MYO3B: variants seen among roughly 807,000 people sequenced by gnomAD.
The protein encoded by MYO3B is myosin-IIIb.
In MYO3B, 156 loss-of-function variants were observed where a neutral mutation model predicts 174.6. The observed-to-expected ratio is 0.89, with a 90% CI of 0.78 to 1.02. The LOEUF (loss-of-function observed/expected upper bound fraction) is 1.02. Ranked by LOEUF, MYO3B falls within the 50% of genes least tolerant of loss-of-function variation. MYO3B has a pLI of 0.00. For missense variants in MYO3B, 1,632 were observed against 1,639.4 expected (o/e 1.00, Z 0.08); for synonymous variants, 563 against 569.1 (o/e 0.99, Z 0.15).
chr2:170,268,362 C>A (rs1438741556), intron 7 of MYO3B, among the ~76,000 whole-genome samples: 1 of 152,002 alleles, frequency 6.6e-6, no homozygotes, highest in Non-Finnish European at 1.5e-5. Flanking sequence ...GTAGTGTGGG[C>A]AGAATAAAAG....
At chr2:170,651,785 ATAATT>A in intron 33 of MYO3B, 51 bp downstream of exon 33, 1 of 1,500,602 alleles carries the variant, frequency 6.7e-7, no homozygotes, top group Non-Finnish European at 9.3e-7. Context: ...TTTCCAGTTA[ATAATT>A]CTGTTATTAC....
At position 170,214,361 on chromosome 2, in the gene MYO3B, T is replaced by G; in HGVS notation, c.322-18T>G. 6.2e-7 allele frequency: 1 copy of G among 1,606,990 alleles called. No individual in the cohort carries two copies. Among genetic ancestry groups the G allele is most frequent in the South Asian group, 1.1e-5 (1 of 90,796 alleles). On this transcript the variant is annotated intron_variant, in intron 3 of 34. Transcript: ENST00000408978. ...TGTGGTCTCCTGCTCTCCCTGTGTC[T>G]GGCACCTCTTCTTGCAGCTGTGTAA...
chr2:170,618,860 T>C (rs1695639254), intron 32 of MYO3B, among the ~76,000 whole-genome samples: 1 of 152,010 alleles, frequency 6.6e-6, no homozygotes, highest in African/African-American at 2.4e-5. Flanking sequence ...CATTTGTATG[T>C]AGAAGTACAG....
At chr2:170,643,956 G>A (rs1046357732) in intron 32 of MYO3B, 21 of 152,264 alleles carry the variant, frequency 1.4e-4, no homozygotes, top group Admixed American at 1.4e-3. Flanking sequence ...TGTAGCAGGT[G>A]ATGAAAATGG....
At chr2:170,200,485 G>A (rs1256961963) in intron 3 of MYO3B, among the ~76,000 whole-genome samples, 3 of 152,148 alleles carry the variant, frequency 2.0e-5, no homozygotes, top group Non-Finnish European at 2.9e-5. Flanking sequence ...TTGTTTCTCT[G>A]CTTCAGAGGT....
At chr2:170,462,967 CCCTGTGGTACAA>C (rs1358527620) in intron 23 of MYO3B, among the ~76,000 whole-genome samples, 1 of 152,226 alleles carries the variant, frequency 6.6e-6, no homozygotes, top group Non-Finnish European at 1.5e-5. Context: ...TGGCCTAATT[CCCTGTGGTACAA>C]CCTGGGCTTT....
intron 32 of MYO3B, among the ~76,000 whole-genome samples, chr2:170,599,990 G>T (rs993840134): frequency 2.6e-5 from 4 of 152,026 alleles, no homozygotes; most frequent in African/African-American, 9.7e-5. Context: ...CATAATTGTT[G>T]ATTATTTTCC....
At chr2:170,515,153 A>G in intron 29 of MYO3B, 131 bp downstream of exon 29, 1 of 726,396 alleles carries the variant, frequency 1.4e-6, no homozygotes, top group East Asian at 2.8e-5. Context: ...TCTATAGGTG[A>G]CAGCCAATTA....
At chr2:170,217,976 G>T (rs7565110) in intron 6 of MYO3B, among the ~76,000 whole-genome samples, 5,915 of 152,280 alleles carry the variant, frequency 0.039, 382 homozygotes, top group African/African-American at 0.13. Flanking sequence ...GTCTTGCTCT[G>T]AAACACCAGT....
chr2:170,543,864 A>G (rs1559101023), intron 31 of MYO3B, 28 bp from the exon 32 acceptor site: 1 of 1,584,874 alleles, frequency 6.3e-7, no homozygotes, highest in Non-Finnish European at 8.7e-7. Flanking sequence ...GATAAGAATA[A>G]TATTTCTCTT....
At chr2:170,192,049 T>G (rs1222490978) in intron 1 of MYO3B, among the ~76,000 whole-genome samples, 1 of 152,182 alleles carries the variant, frequency 6.6e-6, no homozygotes, top group African/African-American at 2.4e-5. Context: ...TTTTGTTATT[T>G]TACTCTAAGT....
intron 6 of MYO3B, among the ~76,000 whole-genome samples, chr2:170,218,953 C>T (rs2092861091): frequency 6.6e-6 from 1 of 152,196 alleles, no homozygotes; most frequent in African/African-American, 2.4e-5. Flanking sequence ...ATCTATCCAG[C>T]CTTGTTTCAG....
intron 24 of MYO3B, among the ~76,000 whole-genome samples, chr2:170,465,125 G>A (rs1575022918): frequency 2.6e-5 from 4 of 151,586 alleles, no homozygotes; most frequent in Admixed American, 6.6e-5. Context: ...CACCCACCTC[G>A]GCCTCCCAAA....
At chr2:170,476,639 C>A (rs146051052) in intron 25 of MYO3B, among the ~76,000 whole-genome samples, 1 of 152,052 alleles carries the variant, frequency 6.6e-6, no homozygotes, top group African/African-American at 2.4e-5. Context: ...GCTGTTGTGC[C>A]ATGCTCTGCT....
chr2:170,556,377 T>C (rs1017914163), intron 32 of MYO3B, among the ~76,000 whole-genome samples: 3 of 152,164 alleles, frequency 2.0e-5, no homozygotes, highest in Non-Finnish European at 2.9e-5. Flanking sequence ...CTGGATTGTG[T>C]GGTAAGAGTA....
At chr2:170,601,915 A>AACAGC in intron 32 of MYO3B, 1 of 846,430 alleles carries the variant, frequency 1.2e-6, no homozygotes, top group South Asian at 1.6e-5. Context: ...CTCAGAGCAG[A>AACAGC]ACAGCAAAAA....
At chr2:170,385,854 C>A in intron 12 of MYO3B, 1 of 170,894 alleles carries the variant, frequency 5.9e-6, no homozygotes, top group Non-Finnish European at 1.2e-5. Flanking sequence ...ATCCAACATC[C>A]CCATTTCTAG....
intron 7 of MYO3B, among the ~76,000 whole-genome samples, chr2:170,272,437 G>T (rs1409248665): frequency 6.6e-6 from 1 of 152,116 alleles, no homozygotes; most frequent in East Asian, 1.9e-4. Context: ...CCCCACATCA[G>T]TTGGCCTTTG....
At chr2:170,332,643 A>T (rs908035719) in intron 7 of MYO3B, among the ~76,000 whole-genome samples, 3 of 152,186 alleles carry the variant, frequency 2.0e-5, no homozygotes, top group Non-Finnish European at 2.9e-5. Context: ...CATTTACAGG[A>T]TCAAATGAGG....
Sources: gnomAD v4.1 joint callset for allele counts (sites outside exome capture counted in the v4.1 genomes callset) on GRCh38, gnomAD v4.1.1 for gene constraint, MANE v1.5 for transcripts, NCBI Gene and HGNC (gene_info 2026-07-23, HGNC 2026-07-21) for gene names.